STRN3: variants seen among roughly 807,000 people sequenced by gnomAD.
STRN3 encodes the protein striatin-3.
In STRN3, 29 loss-of-function variants were observed where a neutral mutation model predicts 95.6. The ratio of observed to expected loss-of-function variants is 0.30; its 90% CI spans 0.23 to 0.41. The LOEUF (loss-of-function observed/expected upper bound fraction) is 0.41, where lower values mean the gene tolerates loss of function less well. Ranked by LOEUF, STRN3 falls within the 10% of genes least tolerant of loss-of-function variation. The pLI, the probability that STRN3 is intolerant of heterozygous loss-of-function variation, is 1.00. For synonymous variants in STRN3, 331 were observed against 357.6 expected, an observed-to-expected ratio of 0.93 and a Z score of 0.84; for missense variants, 890 against 972.1, an observed-to-expected ratio of 0.92 and a Z score of 1.12.
chr14:30,894,479 A>G lies in STRN3; in HGVS notation c.*932T>C, dbSNP rs746242320. ...ATTAGCAAGATGGATAATCCTTGAT[A>G]AATAAACTTGTAAATACAGTAAGAT... On this transcript the variant is annotated 3_prime_UTR_variant, in exon 18 of 18. Coordinates refer to ENST00000357479, the MANE Select transcript of STRN3 (RefSeq NM_001083893.2). 6.5e-6 allele frequency: 1 copy of G among 152,712 alleles called. No homozygotes were observed. The highest frequency in any genetic ancestry group is 1.5e-5 in the Non-Finnish European group (1 of 68,066). 9.5% of individuals were successfully genotyped at this position (152,712 alleles called of 1,614,324 possible).
intron 8 of STRN3, among the ~76,000 whole-genome samples, chr14:30,922,760 T>A (rs1051479796): frequency 6.6e-6 from 1 of 152,168 alleles, no homozygotes; most frequent in African/African-American, 2.4e-5. Context: ...TTATTTAATT[T>A]ATTTAAGACA....
intron 13 of STRN3, among the ~76,000 whole-genome samples, chr14:30,908,195 C>G (rs1034192511): frequency 6.6e-6 from 1 of 152,020 alleles, no homozygotes; most frequent in African/African-American, 2.4e-5. Flanking sequence ...GAATCATTAC[C>G]ATAGTGAAAA....
At chr14:30,967,310 G>T (rs1398389790) in intron 1 of STRN3, among the ~76,000 whole-genome samples, 2 of 151,250 alleles carry the variant, frequency 1.3e-5, no homozygotes, top group Non-Finnish European at 2.9e-5. Context: ...CGGTGGTGGG[G>T]AAAGAGGCAG....
intron 1 of STRN3, among the ~76,000 whole-genome samples, chr14:30,959,930 T>C (rs1034750469): frequency 6.6e-6 from 1 of 152,180 alleles, no homozygotes; most frequent in African/African-American, 2.4e-5. Context: ...AAAATATCAA[T>C]TTTTACCCAA....
chr14:30,952,184 A>G (rs939277727), intron 3 of STRN3, among the ~76,000 whole-genome samples: 1 of 152,170 alleles, frequency 6.6e-6, no homozygotes, highest in Non-Finnish European at 1.5e-5. Flanking sequence ...TAGCATCTCT[A>G]TAACAAAATT....
At chr14:30,967,497 C>T (rs578050386) in intron 1 of STRN3, among the ~76,000 whole-genome samples, 1 of 152,350 alleles carries the variant, frequency 6.6e-6, no homozygotes, top group Admixed American at 6.5e-5. Context: ...AATACCATCT[C>T]GCTGTCAATG....
chr14:30,976,664 A>G (rs1263176666), intron 1 of STRN3, among the ~76,000 whole-genome samples: 4 of 152,386 alleles, frequency 2.6e-5, no homozygotes, highest in South Asian at 4.1e-4. Flanking sequence ...GAATTCATAC[A>G]GTGTACTATC....
rs1371648918 is a variant in STRN3 at position 31,026,274 on chromosome 14, C to T, written c.-89G>A. 24 of 1,300,020 alleles carry T rather than the reference C, an allele frequency of 1.8e-5. No homozygotes were observed. Among genetic ancestry groups the T allele is most frequent in the Non-Finnish European group, 2.4e-5 (24 of 1,018,366 alleles). 80.5% of individuals were successfully genotyped at this position (1,300,020 alleles called of 1,614,324 possible). ...GGGTGGCCCCGCGCTGGCTGCGGGG[C>T]GGAGGCCGGCCGGGAGAGGGGCGGG... On this transcript the variant is annotated 5_prime_UTR_variant, in exon 1 of 18. Coordinates refer to ENST00000357479, the MANE Select transcript of STRN3 (RefSeq NM_001083893.2).
At chr14:30,954,021 G>A (rs576268749) in intron 3 of STRN3, among the ~76,000 whole-genome samples, 38 of 152,184 alleles carry the variant, frequency 2.5e-4, no homozygotes, top group Admixed American at 2.1e-3. Flanking sequence ...CAATGTCGAC[G>A]AATTCTAGTT....
intron 1 of STRN3, among the ~76,000 whole-genome samples, chr14:31,024,448 A>C (rs1258368107): frequency 3.3e-5 from 5 of 152,208 alleles, no homozygotes; most frequent in Non-Finnish European, 5.9e-5. Context: ...ACCAGTTTTG[A>C]CTTCAGCTTT....
At chr14:30,931,492 G>T (rs1397673231) in intron 7 of STRN3, among the ~76,000 whole-genome samples, 1 of 152,164 alleles carries the variant, frequency 6.6e-6, no homozygotes, top group East Asian at 1.9e-4. Context: ...CAAAGCAGAT[G>T]AATTATACAA....
At chr14:30,913,773 A>G in intron 9 of STRN3, 116 bp from the exon 10 acceptor site, 1 of 1,246,688 alleles carries the variant, frequency 8.0e-7, no homozygotes, top group Admixed American at 2.3e-5. Context: ...ATTAATTTTT[A>G]TTTTCCCACT....
intron 8 of STRN3, among the ~76,000 whole-genome samples, chr14:30,924,142 T>A (rs1410544228): frequency 1.3e-5 from 2 of 149,558 alleles, no homozygotes; most frequent in Non-Finnish European, 3.0e-5. Flanking sequence ...TACATGAGAG[T>A]ATCTTTGTTT....
chr14:30,925,282 G>A (rs1422502191), intron 8 of STRN3, among the ~76,000 whole-genome samples: 4 of 151,948 alleles, frequency 2.6e-5, no homozygotes, highest in Admixed American at 2.6e-4. Flanking sequence ...GAACGAGTTG[G>A]GAGACACAGA....
chr14:30,928,147 A>G (rs1329730455), intron 8 of STRN3, among the ~76,000 whole-genome samples: 1 of 152,140 alleles, frequency 6.6e-6, no homozygotes, highest in Non-Finnish European at 1.5e-5. Flanking sequence ...ATGCAATAAC[A>G]AAAGCTATCA....
intron 1 of STRN3, among the ~76,000 whole-genome samples, chr14:30,975,600 GA>G (rs1158857106): frequency 6.8e-6 from 1 of 146,962 alleles, no homozygotes; most frequent in Non-Finnish European, 1.5e-5. Flanking sequence ...GAAAAGAAAA[GA>G]AAAAAGAAAA....
At position 30,911,877 on chromosome 14, in the gene STRN3, A is replaced by T. The variant is rs2138989964; in HGVS notation, c.1551-53T>A. On this transcript the variant is annotated intron_variant, in intron 11 of 17. Coordinates refer to ENST00000357479, the MANE Select transcript of STRN3 (RefSeq NM_001083893.2). ...AAGAGAAGGCAATTAAATAACTATG[A>T]ATCACTGGTTGATATTAAATAGTCA... 4 of 1,573,016 alleles carry T rather than the reference A, an allele frequency of 2.5e-6. No individual in the cohort carries two copies. In the East Asian group the frequency reaches 9.0e-5, roughly 35 times the overall value.
At chr14:30,914,710 C>T (rs938961306) in intron 9 of STRN3, among the ~76,000 whole-genome samples, 7 of 152,170 alleles carry the variant, frequency 4.6e-5, no homozygotes, top group African/African-American at 1.7e-4. Context: ...ATTCTAGTTA[C>T]CATGACACTC....
chr14:30,993,874 TTC>T (rs1456224910), intron 1 of STRN3, among the ~76,000 whole-genome samples: 1 of 149,606 alleles, frequency 6.7e-6, no homozygotes, highest in Non-Finnish European at 1.5e-5. Flanking sequence ...GAGATGGGGT[TTC>T]TTTCTTTTTT....
Sources: allele counts gnomAD v4.1 joint callset (sites outside exome capture counted in the v4.1 genomes callset), GRCh38; gene constraint gnomAD v4.1.1; transcripts MANE v1.5; gene names NCBI Gene and HGNC (gene_info 2026-07-23, HGNC 2026-07-21).